CD2AP: variants seen among roughly 807,000 people sequenced by gnomAD.
CD2AP encodes the protein CD2 associated protein.
A neutral mutation model predicts 85.1 loss-of-function variants in CD2AP; 46 were observed. That is an observed-to-expected ratio of 0.54 (90% CI 0.43 to 0.69). The LOEUF (loss-of-function observed/expected upper bound fraction) is 0.69, where lower values mean the gene tolerates loss of function less well. CD2AP is among the 30% of genes least tolerant of loss of function. The pLI is 0.00. For synonymous variants in CD2AP, 255 were observed against 252.9 expected (o/e 1.01, Z -0.08); for missense variants, 769 against 729.5 (o/e 1.05, Z -0.62).
intron 1 of CD2AP, among the ~76,000 whole-genome samples, chr6:47,481,496 C>T (rs1765442645): frequency 1.3e-5 from 2 of 152,052 alleles, no homozygotes; most frequent in Admixed American, 1.3e-4. Context: ...CAGGTGTGTG[C>T]CACCATGCCC....
intron 13 of CD2AP, 146 bp from the exon 14 acceptor site, chr6:47,606,019 A>G: frequency 3.3e-6 from 2 of 599,768 alleles, no homozygotes; most frequent in South Asian, 2.1e-5. Flanking sequence ...TTCCAAATGC[A>G]TATGAAAAGC....
At chr6:47,489,746 T>C (rs978791173) in intron 1 of CD2AP, among the ~76,000 whole-genome samples, 1 of 152,148 alleles carries the variant, frequency 6.6e-6, no homozygotes, top group Non-Finnish European at 1.5e-5. Context: ...AGGTAAGATG[T>C]GGAGGAGACA....
rs1434048039 is a variant in CD2AP at position 47,493,353 on chromosome 6, T to TG, written c.5-9926dup. Among the ~76,000 whole-genome samples the TG allele has an allele frequency of 5.7e-3, 220 of 38,766 alleles. 1 individual carries two copies. The highest frequency in any genetic ancestry group is 0.012 in the African/African-American group (205 of 17,018). 25.4% of individuals were successfully genotyped at this position (38,766 alleles called of 152,430 possible). A position where few individuals can be genotyped will look rare whatever the true frequency, so the allele number is the denominator to read the frequency against. Reference sequence around the variant, plus strand: ...TACTAGATACAGATTTCTAGGTTGGTGTTTTTTTTTTTTCCAATGCTTTAA... The same window carrying TG: ...TACTAGATACAGATTTCTAGGTTGGTGGTTTTTTTTTTTTCCAATGCTTTAA... On this transcript the variant is annotated intron_variant, in intron 1 of 17. Coordinates refer to ENST00000359314, the MANE Select transcript of CD2AP (RefSeq NM_012120.3).
rs192305647 is a variant in CD2AP at position 47,547,978 on chromosome 6, C to T, written c.420+3272C>T. Among the ~76,000 whole-genome samples, 27 of 152,130 alleles carry T rather than the reference C, an allele frequency of 1.8e-4. No homozygotes were observed. The East Asian group carries it at 2.1e-3, about 12-fold the overall frequency. On this transcript the variant is annotated intron_variant, in intron 4 of 17. Transcript: ENST00000359314. ...AAATTAAAAAATTCTTCTTACTGAA[C>T]GACAATAGTGACACACCTTTCAAAA...
chr6:47,530,149 A>C (rs1766835034), intron 2 of CD2AP, among the ~76,000 whole-genome samples: 2 of 152,220 alleles, frequency 1.3e-5, no homozygotes, highest in African/African-American at 4.8e-5. Context: ...TTCCTGTGTT[A>C]GGCATTTGGT....
intron 2 of CD2AP, among the ~76,000 whole-genome samples, chr6:47,509,378 G>A (rs370009745): frequency 2.0e-4 from 31 of 151,834 alleles, no homozygotes; most frequent in East Asian, 1.5e-3. Context: ...AGCCCATGCC[G>A]TTGGAAAAAT....
intron 11 of CD2AP, among the ~76,000 whole-genome samples, chr6:47,588,080 A>G (rs924985340): frequency 1.3e-5 from 2 of 152,144 alleles, no homozygotes; most frequent in African/African-American, 4.8e-5. Context: ...TCTAAAATAC[A>G]TACTTTTTTA....
intron 11 of CD2AP, among the ~76,000 whole-genome samples, chr6:47,586,435 A>T (rs935930617): frequency 3.9e-5 from 6 of 152,144 alleles, no homozygotes; most frequent in African/African-American, 1.4e-4. Flanking sequence ...CTTACCTGTA[A>T]TTGGGGTACC....
chr6:47,517,345 C>T (rs777609568), intron 2 of CD2AP, among the ~76,000 whole-genome samples: 76 of 151,014 alleles, frequency 5.0e-4, no homozygotes, highest in Non-Finnish European at 8.1e-4. Flanking sequence ...TGCAGTGGTG[C>T]GGTGCGATCA....
At chr6:47,589,565 C>CACACATATATAT (rs139814970) in intron 11 of CD2AP, among the ~76,000 whole-genome samples, 44 of 120,988 alleles carry the variant, frequency 3.6e-4, no homozygotes, top group African/African-American at 9.5e-4. Flanking sequence ...CACACACACA[C>CACACATATATAT]ATATATATAT....
chr6:47,620,221 T>A lies in CD2AP; in HGVS notation c.1879-3965T>A, dbSNP rs185545858. Among the ~76,000 whole-genome samples, 8 of 152,354 alleles carry A rather than the reference T, an allele frequency of 5.3e-5. No individual in the cohort carries two copies. In the East Asian group the frequency reaches 1.5e-3, roughly 29 times the overall value. ...CTTAGGTTTAAGTCCTTAATCCATC[T>A]TGAGTTGATTTTGGTATAAGGTGAA... On this transcript the variant is annotated intron_variant, in intron 17 of 17. Coordinates refer to ENST00000359314, the MANE Select transcript of CD2AP (RefSeq NM_012120.3).
At chr6:47,581,249 T>C (rs1768472922) in intron 10 of CD2AP, among the ~76,000 whole-genome samples, 1 of 152,204 alleles carries the variant, frequency 6.6e-6, no homozygotes, top group Admixed American at 6.5e-5. Flanking sequence ...CAAATAATAA[T>C]TTATGTACTC....
chr6:47,494,795 AT>A (rs1469319030), intron 1 of CD2AP, among the ~76,000 whole-genome samples: 1 of 152,174 alleles, frequency 6.6e-6, no homozygotes, highest in African/African-American at 2.4e-5. Flanking sequence ...TTTGTACTGG[AT>A]TGAATTTTTA....
At chr6:47,534,179 G>C (rs1766966013) in intron 3 of CD2AP, among the ~76,000 whole-genome samples, 1 of 152,160 alleles carries the variant, frequency 6.6e-6, no homozygotes, top group Non-Finnish European at 1.5e-5. Flanking sequence ...AAATTACCTT[G>C]TAAGGATTTG....
chr6:47,600,743 A>G (rs960626924), intron 13 of CD2AP, among the ~76,000 whole-genome samples: 4 of 151,986 alleles, frequency 2.6e-5, no homozygotes, highest in African/African-American at 9.7e-5. Context: ...TATTGAGCTT[A>G]TCAGTAAATA....
At chr6:47,545,895 C>G (rs185906938) in intron 4 of CD2AP, among the ~76,000 whole-genome samples, 1 of 152,210 alleles carries the variant, frequency 6.6e-6, no homozygotes, top group Non-Finnish European at 1.5e-5. Context: ...CAGAGCCTAC[C>G]CAAATGAGAA....
In CD2AP at chr6:47,624,424, C is replaced by A; in HGVS notation, c.*197C>A. The A allele has an allele frequency of 1.8e-6, 1 of 553,048 alleles. No individual in the cohort carries two copies. The highest frequency in any genetic ancestry group is 3.2e-6 in the Non-Finnish European group (1 of 312,522). 34.3% of individuals were successfully genotyped at this position (553,048 alleles called of 1,614,324 possible). On this transcript the variant is annotated 3_prime_UTR_variant, in exon 18 of 18. Coordinates refer to ENST00000359314, the MANE Select transcript of CD2AP (RefSeq NM_012120.3). ...TTTTGCCAATATGAAGAAAAAGAGG[C>A]CTTATTTCTTAACTGTGCTGGGATT...
intron 1 of CD2AP, among the ~76,000 whole-genome samples, chr6:47,499,835 T>A (rs1280547087): frequency 6.6e-6 from 1 of 152,148 alleles, no homozygotes; most frequent in Non-Finnish European, 1.5e-5. Context: ...TTCAAGCCAT[T>A]CTTCTGCCTC....
At chr6:47,578,685 G>T (rs1367575064) in intron 8 of CD2AP, among the ~76,000 whole-genome samples, 3 of 144,136 alleles carry the variant, frequency 2.1e-5, no homozygotes, top group Non-Finnish European at 4.5e-5. Flanking sequence ...ATGCAGTCTC[G>T]CTCTGTCACC....
Sources: gnomAD v4.1 joint callset for allele counts (sites outside exome capture counted in the v4.1 genomes callset) on GRCh38, gnomAD v4.1.1 for gene constraint, MANE v1.5 for transcripts, NCBI Gene and HGNC (gene_info 2026-07-23, HGNC 2026-07-21) for gene names.